The following HDAC4 variants were observed in gnomAD, a reference collection of about 807,000 sequenced individuals.
HDAC4 encodes histone deacetylase 4.
Under a neutral mutation model 135.1 loss-of-function variants are expected in HDAC4, and 16 were observed. That is an observed-to-expected ratio of 0.12 (90% CI 0.08 to 0.18). HDAC4 has a LOEUF of 0.18. Among genes scored for constraint, HDAC4 ranks in the 10% least tolerant of loss-of-function variants. The pLI is 1.00. For missense variants in HDAC4, 1,143 were observed against 1,511.8 expected (o/e 0.76, Z 4.05); for synonymous variants, 685 against 653.4 (o/e 1.05, Z -0.74).
intron 3 of HDAC4, among the ~76,000 whole-genome samples, chr2:239,196,201 T>C (rs1040578521): frequency 3.9e-5 from 6 of 152,108 alleles, no homozygotes; most frequent in African/African-American, 1.4e-4. Context: ...AGACAGCACA[T>C]CAGAAATGCA....
chr2:239,245,884 G>C lies in HDAC4; in HGVS notation c.23-9220C>G, dbSNP rs62188571. Among the ~76,000 whole-genome samples, 2 of 152,070 alleles carry C rather than the reference G, an allele frequency of 1.3e-5. No individual in the cohort carries two copies. Among genetic ancestry groups the C allele is most frequent in the African/African-American group, 4.8e-5 (2 of 41,400 alleles). On this transcript the variant is annotated intron_variant, in intron 2 of 26. Transcript: ENST00000543185. The surrounding 1 kb of genome is among the most constrained non-coding windows in gnomAD (Gnocchi z 4.4). ...TCATCCCCAGCCCCTATGTGTTCAA[G>C]CAGACACACACGTCTGGTTCACAGC...
intron 1 of HDAC4, among the ~76,000 whole-genome samples, chr2:239,386,669 G>T (rs140197536): frequency 1.3e-5 from 2 of 152,352 alleles, no homozygotes; most frequent in East Asian, 3.9e-4. Flanking sequence ...GGCTTTAGGT[G>T]TAAGAGCTTG....
chr2:239,335,135 G>A (rs1173455835), intron 2 of HDAC4, among the ~76,000 whole-genome samples: 1 of 151,986 alleles, frequency 6.6e-6, no homozygotes, highest in South Asian at 2.1e-4. Context: ...AGATACTATG[G>A]TTAACTGCAA....
At position 239,144,596 on chromosome 2, in the gene HDAC4, C is replaced by A. The variant is rs149881034; in HGVS notation, c.852G>T (p.Pro284=). 6.2e-7 allele frequency: 1 copy of A among 1,614,032 alleles called. No individual in the cohort carries two copies. The highest frequency in any genetic ancestry group is 1.7e-5 in the Admixed American group (1 of 60,034). The change falls in exon 8 of 27, where the codon CCG becomes CCT. Residue 284 remains proline, a synonymous_variant. Coordinates refer to ENST00000543185, the MANE Select transcript of HDAC4 (RefSeq NM_001378414.1). Reference sequence around the variant, plus strand: ...CAGCCGACATACCTGTGACATCCAACGGACGCTTTTTTAGAGCAGTGACCA... The same window carrying A: ...CAGCCGACATACCTGTGACATCCAAAGGACGCTTTTTTAGAGCAGTGACCA... ...GPVVTALKKR[P]LDVTDSACSS...
At chr2:239,216,460 A>G (rs1275213316) in intron 3 of HDAC4, among the ~76,000 whole-genome samples, 2 of 152,238 alleles carry the variant, frequency 1.3e-5, no homozygotes, top group Admixed American at 6.5e-5. Context: ...CCCTCTCAGG[A>G]CACCTGGGGA....
Position 239,084,221 on chromosome 2 carries a change from G to T in HDAC4, c.2466C>A (p.Ser822=). The T allele has an allele frequency of 6.2e-7, 1 of 1,612,756 alleles. No individual in the cohort carries two copies. The highest frequency in any genetic ancestry group is 8.5e-7 in the Non-Finnish European group (1 of 1,179,184). ...GCAGAAGCTTGGCTGCCACGGCCACGGAGTTGAAGTAGCAAAAGCCCCTGC... is the reference window on the plus strand; with the variant it reads ...GCAGAAGCTTGGCTGCCACGGCCACTGAGTTGAAGTAGCAAAAGCCCCTGC... The part of the protein sequence containing the change: ...STPMGFCYFN[S]VAVAAKLLQQ... Residue 822 remains serine (S), a synonymous_variant, in exon 20 of 27, where the codon TCC becomes TCA. Transcript: ENST00000543185.
In HDAC4 at chr2:239,307,681, A is replaced by G. The variant is rs2052669341; in HGVS notation, c.22+44997T>C. On this transcript the variant is annotated intron_variant, in intron 2 of 26. Transcript: ENST00000543185. The surrounding 1 kb of genome is among the most constrained non-coding windows in gnomAD (Gnocchi z 4.8). The stretch of plus-strand genomic sequence containing the variant: ...TGCAAGAGAAGCCCTCCTCACTCAG[A>G]TGACGTTCTCATGACCGCACTTGGT... Among the ~76,000 whole-genome samples the G allele has an allele frequency of 6.6e-6, 1 of 152,188 alleles. No homozygotes were observed. Among genetic ancestry groups the G allele is most frequent in the African/African-American group, 2.4e-5 (1 of 41,432 alleles).
Position 239,240,296 on chromosome 2 carries a change from G to A in HDAC4, c.23-3632C>T, listed in dbSNP as rs140830329. On this transcript the variant is annotated intron_variant, in intron 2 of 26. Transcript: ENST00000543185. The surrounding 1 kb of genome is among the most constrained non-coding windows in gnomAD (Gnocchi z 4.5). ...CACCAGGGTGAAATAGACAAGCTGCGGTACACAGCCAGCTGGAACGCATGA... is the reference window on the plus strand; with the variant it reads ...CACCAGGGTGAAATAGACAAGCTGCAGTACACAGCCAGCTGGAACGCATGA... 5.4e-4 allele frequency among the ~76,000 whole-genome samples: 82 copies of A among 152,358 alleles called. 1 individual carries two copies. In the East Asian group the frequency reaches 0.015, roughly 28 times the overall value.
intron 2 of HDAC4, among the ~76,000 whole-genome samples, chr2:239,273,557 G>C (rs769767961): frequency 2.6e-5 from 4 of 152,176 alleles, no homozygotes; most frequent in Non-Finnish European, 5.9e-5. Context: ...AATGAAGCTA[G>C]ACAGCCACCT....
At chr2:239,268,789 C>A (rs1295397517) in intron 2 of HDAC4, among the ~76,000 whole-genome samples, 2 of 152,174 alleles carry the variant, frequency 1.3e-5, no homozygotes, top group Non-Finnish European at 2.9e-5. Context: ...AGTTGTCAAC[C>A]AAGAACAGGG....
At chr2:239,123,825 T>C (rs1415082221) in intron 12 of HDAC4, among the ~76,000 whole-genome samples, 2 of 152,134 alleles carry the variant, frequency 1.3e-5, no homozygotes, top group East Asian at 3.9e-4. Flanking sequence ...CGGCTTTACC[T>C]CTGCTCTTGC....
intron 1 of HDAC4, among the ~76,000 whole-genome samples, chr2:239,365,777 G>T (rs553909581): frequency 6.6e-6 from 1 of 151,710 alleles, no homozygotes; most frequent in African/African-American, 2.4e-5. Flanking sequence ...ACACAGACAC[G>T]CATGCACAGA....
At chr2:239,325,999 G>T (rs1035086629) in intron 2 of HDAC4, among the ~76,000 whole-genome samples, 1 of 151,916 alleles carries the variant, frequency 6.6e-6, no homozygotes, top group East Asian at 1.9e-4. Flanking sequence ...ATTATCATAG[G>T]ATTCAACAAT....
chr2:239,156,640 C>A lies in HDAC4; in HGVS notation c.733+12G>T. 1 of 1,614,094 alleles carries A rather than the reference C, an allele frequency of 6.2e-7. No individual in the cohort carries two copies. Among genetic ancestry groups the A allele is most frequent in the African/African-American group, 1.3e-5 (1 of 75,052 alleles). On this transcript the variant is annotated intron_variant, in intron 7 of 26. Transcript: ENST00000543185. The stretch of plus-strand genomic sequence containing the variant: ...GGAGACCTCCCGGCCCACAGCATGC[C>A]TGGGCACTGACCTGTTTTCCTAAGA...
intron 2 of HDAC4, chr2:239,351,730 A>T (rs990586686): frequency 6.5e-6 from 1 of 154,410 alleles, no homozygotes; most frequent in Non-Finnish European, 1.5e-5. Flanking sequence ...ACCCAGACAG[A>T]CCCTGAGCCT....
chr2:239,221,305 C>A (rs1361373759), intron 3 of HDAC4, among the ~76,000 whole-genome samples: 1 of 152,146 alleles, frequency 6.6e-6, no homozygotes, highest in East Asian at 1.9e-4. Context: ...ATGGTGCCAC[C>A]TGACACCACA....
intron 2 of HDAC4, among the ~76,000 whole-genome samples, chr2:239,278,307 G>T (rs979257306): frequency 6.6e-6 from 1 of 151,906 alleles, no homozygotes; most frequent in Non-Finnish European, 1.5e-5. Flanking sequence ...TTTTCTACAA[G>T]GCCACAGAAA....
chr2:239,138,637 C>T (rs759434460), intron 9 of HDAC4, among the ~76,000 whole-genome samples: 7 of 152,196 alleles, frequency 4.6e-5, no homozygotes, highest in Non-Finnish European at 7.3e-5. Flanking sequence ...CAGGCCCACC[C>T]AGGCCCAGGG....
chr2:239,233,838 T>C (rs939032969), intron 3 of HDAC4, among the ~76,000 whole-genome samples: 6 of 152,194 alleles, frequency 3.9e-5, no homozygotes, highest in African/African-American at 1.4e-4. Context: ...CTGGAGTCAT[T>C]CCTGACAATT....
Sources: allele counts gnomAD v4.1 joint callset (sites outside exome capture counted in the v4.1 genomes callset), GRCh38; gene constraint gnomAD v4.1.1; non-coding constraint Gnocchi (gnomAD v3.1); transcripts MANE v1.5; gene names NCBI Gene and HGNC (gene_info 2026-07-23, HGNC 2026-07-21).